Variants in EDC3 observed in about 807,000 individuals in gnomAD.
The protein encoded by EDC3 is enhancer of mRNA-decapping protein 3.
In EDC3, 20 loss-of-function variants were observed where a neutral mutation model predicts 41.8. The observed-to-expected ratio is 0.48, with a 90% CI of 0.34 to 0.70. EDC3 has a LOEUF of 0.70. Ranked by LOEUF, EDC3 falls within the 30% of genes least tolerant of loss-of-function variation. The pLI is 0.01. For missense variants in EDC3, 444 were observed against 636.8 expected, an observed-to-expected ratio of 0.70 and a Z score of 3.26; for synonymous variants, 206 against 243.2, an observed-to-expected ratio of 0.85 and a Z score of 1.42.
chr15:74,646,503 G>T (rs771889372), intron 4 of EDC3, among the ~76,000 whole-genome samples: 12 of 152,232 alleles, frequency 7.9e-5, no homozygotes, highest in Non-Finnish European at 1.8e-4. Flanking sequence ...GGAGCTACAG[G>T]TAGGAGATGT....
chr15:74,655,947 T>G lies in EDC3; in HGVS notation c.606A>C (p.Thr202=), dbSNP rs746117381. Residue 202 remains threonine, a synonymous_variant, in exon 4 of 7, where the codon ACA becomes ACC. Transcript: ENST00000315127. ...CCAGGTTCCCTTCAAAATCAAAATCTGTGTCTGGGATCTCCTCAATATCAT... is the reference window on the plus strand; with the variant it reads ...CCAGGTTCCCTTCAAAATCAAAATCGGTGTCTGGGATCTCCTCAATATCAT... ...FGDDIEEIPD[T]DFDFEGNLAL... 1.9e-6 allele frequency: 3 copies of G among 1,614,076 alleles called. No homozygotes were observed. The Admixed American group carries it at 5.0e-5, about 27-fold the overall frequency.
intron 3 of EDC3, among the ~76,000 whole-genome samples, chr15:74,661,144 G>A (rs2062615733): frequency 6.6e-6 from 1 of 152,170 alleles, no homozygotes; most frequent in Non-Finnish European, 1.5e-5. Flanking sequence ...GTTAAATAAC[G>A]ATAATACTAA....
At chr15:74,688,274 C>T (rs750984082) in intron 1 of EDC3, among the ~76,000 whole-genome samples, 3 of 152,200 alleles carry the variant, frequency 2.0e-5, no homozygotes, top group Non-Finnish European at 2.9e-5. Context: ...GCTAACACCT[C>T]CACGTCAAAA....
intron 1 of EDC3, among the ~76,000 whole-genome samples, chr15:74,691,451 A>G (rs2063006642): frequency 6.6e-6 from 1 of 152,232 alleles, no homozygotes. Flanking sequence ...TACCGATCAC[A>G]TAGGGAACTT....
At chr15:74,651,035 A>G (rs1441784849) in intron 4 of EDC3, among the ~76,000 whole-genome samples, 1 of 152,206 alleles carries the variant, frequency 6.6e-6, no homozygotes, top group Non-Finnish European at 1.5e-5. Context: ...AATTAAAAAA[A>G]GAATCTTATG....
At chr15:74,669,343 CAAAAA>C in intron 3 of EDC3, among the ~76,000 whole-genome samples, 1 of 95,890 alleles carries the variant, frequency 1.0e-5, no homozygotes, top group South Asian at 3.3e-4. Flanking sequence ...AACTCTGTCT[CAAAAA>C]AAAAAAAAAA....
chr15:74,686,249 C>T (rs1596334162), intron 1 of EDC3, among the ~76,000 whole-genome samples: 1 of 152,002 alleles, frequency 6.6e-6, no homozygotes, highest in Non-Finnish European at 1.5e-5. Flanking sequence ...CGCTTGAACC[C>T]GGGAGGCGGA....
intron 3 of EDC3, among the ~76,000 whole-genome samples, chr15:74,662,891 A>G (rs1489015508): frequency 6.6e-6 from 1 of 152,228 alleles, no homozygotes; most frequent in East Asian, 1.9e-4. Context: ...AGGAGAAAAC[A>G]GGAAAGAATC....
intron 3 of EDC3, among the ~76,000 whole-genome samples, chr15:74,665,957 C>A (rs867305029): frequency 6.6e-6 from 1 of 151,940 alleles, no homozygotes; most frequent in Non-Finnish European, 1.5e-5. Context: ...ACCACCACAC[C>A]CAGCTGATTT....
intron 3 of EDC3, among the ~76,000 whole-genome samples, chr15:74,659,637 A>G (rs558366924): frequency 1.1e-4 from 16 of 151,664 alleles, no homozygotes; most frequent in South Asian, 2.1e-4. Context: ...TTGGGAGGCC[A>G]AGGTGGGCAG....
Position 74,671,318 on chromosome 15 carries a change from ATGT to A in EDC3, c.484+134_484+136del. The A allele has an allele frequency of 2.0e-6, 2 of 992,726 alleles. No individual in the cohort carries two copies. The highest frequency in any genetic ancestry group is 3.0e-6 in the Non-Finnish European group (2 of 673,738). 61.5% of individuals were successfully genotyped at this position (992,726 alleles called of 1,614,324 possible). A position where few individuals can be genotyped will look rare whatever the true frequency, so the allele number is the denominator to read the frequency against. On this transcript the variant is annotated intron_variant, in intron 3 of 6. Transcript: ENST00000315127. This position sits in a 1 kb window ranked among gnomAD's most constrained non-coding sequence, Gnocchi z 4.6. ...GAATGAGGCCTGGAGGAAGAGAACC[ATGT>A]TGTATTTCTGTGACGCTCAGCCAGC...
chr15:74,650,822 AC>A (rs1166418868), intron 4 of EDC3, among the ~76,000 whole-genome samples: 3 of 151,978 alleles, frequency 2.0e-5, no homozygotes, highest in Admixed American at 2.0e-4. Flanking sequence ...ATATGGTGAA[AC>A]CCCATCTCTA....
intron 1 of EDC3, among the ~76,000 whole-genome samples, chr15:74,693,907 C>G (rs900520961): frequency 3.3e-5 from 5 of 151,958 alleles, no homozygotes; most frequent in Admixed American, 6.6e-5. Flanking sequence ...TCGCTTGAAC[C>G]AGGAGGCAGA....
At chr15:74,645,697 T>A (rs2062407285) in intron 4 of EDC3, among the ~76,000 whole-genome samples, 1 of 147,944 alleles carries the variant, frequency 6.8e-6, no homozygotes, top group South Asian at 2.1e-4. Flanking sequence ...GGTGAAACCC[T>A]ATCTCTACTA....
chr15:74,687,707 CAAT>C (rs1453280551), intron 1 of EDC3, among the ~76,000 whole-genome samples: 1 of 152,156 alleles, frequency 6.6e-6, no homozygotes, highest in Non-Finnish European at 1.5e-5. Context: ...ACAATTTCAA[CAAT>C]AATGATGATG....
intron 1 of EDC3, among the ~76,000 whole-genome samples, chr15:74,694,315 TC>T (rs2063041601): frequency 6.6e-6 from 1 of 152,152 alleles, no homozygotes; most frequent in South Asian, 2.1e-4. Context: ...ATTTTTCTTT[TC>T]TTTTCTTTTT....
chr15:74,642,882 G>C (rs1332948557), intron 4 of EDC3: 1 of 152,254 alleles, frequency 6.6e-6, no homozygotes, highest in African/African-American at 2.4e-5. Context: ...CCCCCCACCG[G>C]CTGGCTAGAT....
At chr15:74,665,446 C>G (rs1250169788) in intron 3 of EDC3, among the ~76,000 whole-genome samples, 2 of 152,150 alleles carry the variant, frequency 1.3e-5, no homozygotes, top group East Asian at 3.8e-4. Flanking sequence ...GAGAGGGATG[C>G]CTTTCATCTG....
chr15:74,655,699 C>A, intron 4 of EDC3, 34 bp downstream of exon 4: 1 of 1,561,564 alleles, frequency 6.4e-7, no homozygotes, highest in South Asian at 1.2e-5. Flanking sequence ...AAGGCAACAG[C>A]AACCAGCAGG....
Sources: gnomAD v4.1 joint callset for allele counts (sites outside exome capture counted in the v4.1 genomes callset) on GRCh38, gnomAD v4.1.1 for gene constraint, Gnocchi (gnomAD v3.1) non-coding constraint, MANE v1.5 for transcripts, NCBI Gene and HGNC (gene_info 2026-07-23, HGNC 2026-07-21) for gene names.